The following ZC3H18 variants were observed in gnomAD, a reference collection of about 807,000 sequenced individuals.
ZC3H18 encodes zinc finger CCCH domain-containing protein 18.
ZC3H18 carries 8 observed loss-of-function variants against 106.1 expected under a neutral mutation model. That is an observed-to-expected ratio of 0.08 (90% CI 0.04 to 0.14). The LOEUF is 0.14. ZC3H18 is among the 10% of genes least tolerant of loss of function. The probability of loss-of-function intolerance (pLI) is 1.00; values close to 1 mark genes in which losing one functional copy is unlikely to be tolerated. For synonymous variants in ZC3H18, 635 were observed against 522.1 expected (o/e 1.22, Z -2.95); for missense variants, 1,318 against 1,278.4 (o/e 1.03, Z -0.47).
chr16:88,607,890 G>T (rs1328961313), intron 6 of ZC3H18, among the ~76,000 whole-genome samples: 1 of 152,212 alleles, frequency 6.6e-6, no homozygotes, highest in African/African-American at 2.4e-5. Context: ...TGTCTCTCAG[G>T]AATCAGCTCT....
At chr16:88,584,893 C>G (rs1915346417) in intron 2 of ZC3H18, among the ~76,000 whole-genome samples, 1 of 152,266 alleles carries the variant, frequency 6.6e-6, no homozygotes, top group Non-Finnish European at 1.5e-5. Context: ...TCATCTCCTA[C>G]ACGCTCACTT....
intron 1 of ZC3H18, among the ~76,000 whole-genome samples, chr16:88,572,492 A>G (rs930136669): frequency 6.6e-6 from 1 of 152,008 alleles, no homozygotes; most frequent in Non-Finnish European, 1.5e-5. Context: ...ATCAAGTATC[A>G]TCTGCCAAAT....
Position 88,624,039 on chromosome 16 carries a change from G to A in ZC3H18, c.1875G>A (p.Pro625=), listed in dbSNP as rs770960816. ...HRPSIRTKGE[P]APPPGKAGEK... ...CTTCCATCAGAACCAAGGGAGAGCC[G>A]GCCCCGCCGCCCGGGAAAGCAGGGT... The change falls in exon 11 of 18, where the codon CCG becomes CCA. Residue 625 remains proline (P), a synonymous_variant. Coordinates refer to ENST00000301011, the MANE Select transcript of ZC3H18 (RefSeq NM_144604.4). 2.4e-5 allele frequency: 39 copies of A among 1,613,914 alleles called. No individual in the cohort carries two copies. The highest frequency in any genetic ancestry group is 7.7e-5 in the South Asian group (7 of 91,076).
chr16:88,623,680 G>A (rs887084125), intron 10 of ZC3H18: 19 of 571,048 alleles, frequency 3.3e-5, no homozygotes, highest in African/African-American at 3.2e-4. Context: ...CTGCCCCACT[G>A]CCAAGGAGCC....
At chr16:88,630,759 CCCCCCCA>C (rs1906625392) in intron 17 of ZC3H18, among the ~76,000 whole-genome samples, 178 bp downstream of exon 17, 1 of 107,156 alleles carries the variant, frequency 9.3e-6, no homozygotes, top group Non-Finnish European at 2.2e-5. Context: ...ACCCCCCACC[CCCCCCCA>C]CACACACACA....
chr16:88,625,901 GGC>G (rs1203343647), intron 13 of ZC3H18: 1 of 137,492 alleles, frequency 7.3e-6, no homozygotes, highest in Admixed American at 7.9e-5. Context: ...GGAGTGCAAT[GGC>G]GCGATCTCGC....
At chr16:88,598,594 C>T (rs775602466) in intron 4 of ZC3H18, 26 bp from the exon 5 acceptor site, 1 of 1,590,544 alleles carries the variant, frequency 6.3e-7, no homozygotes, top group Non-Finnish European at 8.6e-7. Flanking sequence ...TACTTTCTCA[C>T]CTTCTCCCTT....
At chr16:88,620,585 GAA>G (rs577883900) in intron 8 of ZC3H18, among the ~76,000 whole-genome samples, 2 of 102,440 alleles carry the variant, frequency 2.0e-5, no homozygotes, top group South Asian at 3.6e-4. Context: ...CTCTAAAAAA[GAA>G]AAAAAAAAAA....
chr16:88,615,775 A>T (rs764596876), intron 8 of ZC3H18, among the ~76,000 whole-genome samples: 1 of 152,182 alleles, frequency 6.6e-6, no homozygotes, highest in Non-Finnish European at 1.5e-5. Flanking sequence ...GTGCCTGGCC[A>T]CAGACCCCCT....
chr16:88,602,152 C>T (rs540331225), intron 6 of ZC3H18, among the ~76,000 whole-genome samples: 9 of 152,342 alleles, frequency 5.9e-5, no homozygotes, highest in African/African-American at 2.2e-4. Context: ...CCTACCTGTG[C>T]CCGCTGCAGG....
chr16:88,571,981 C>T (rs904178081), intron 1 of ZC3H18, among the ~76,000 whole-genome samples: 2 of 152,206 alleles, frequency 1.3e-5, no homozygotes, highest in Non-Finnish European at 2.9e-5. Context: ...CTCTTTAGAA[C>T]TCCTGTTGTG....
intron 3 of ZC3H18, among the ~76,000 whole-genome samples, chr16:88,591,793 A>G (rs1915767656): frequency 6.6e-6 from 1 of 152,020 alleles, no homozygotes; most frequent in African/African-American, 2.4e-5. Flanking sequence ...TGTGTGTTTC[A>G]TCTTTTGTGG....
At chr16:88,622,157 G>C (rs764628706) in intron 8 of ZC3H18, 40 bp from the exon 9 acceptor site, 1 of 1,583,106 alleles carries the variant, frequency 6.3e-7, no homozygotes, top group East Asian at 2.3e-5. Flanking sequence ...CTGTGAAGCG[G>C]AAGGTGGCCT....
chr16:88,627,830 G>A lies in ZC3H18; in HGVS notation c.2269+48G>A. ...TTGGGGAGCAGCTCCCGGGGGAGGA[G>A]GGCGGCATCAGCACAGACTTTGCCT... is the stretch of plus-strand genomic sequence containing the variant. On this transcript the variant is annotated intron_variant, in intron 14 of 17. Transcript: ENST00000301011. This position sits in a 1 kb window ranked among gnomAD's most constrained non-coding sequence, Gnocchi z 4.5. 1 of 1,610,294 alleles carries A rather than the reference G, an allele frequency of 6.2e-7. No individual in the cohort carries two copies. Among genetic ancestry groups the A allele is most frequent in the Non-Finnish European group, 8.5e-7 (1 of 1,177,342 alleles).
chr16:88,587,747 T>C (rs1488017101), intron 3 of ZC3H18: 1 of 867,600 alleles, frequency 1.2e-6, no homozygotes, highest in East Asian at 2.6e-5. Flanking sequence ...GGCAGAGAGC[T>C]GTTCGGAACC....
chr16:88,621,460 G>T (rs144257055), intron 8 of ZC3H18, among the ~76,000 whole-genome samples: 1,701 of 152,060 alleles, frequency 0.011, 38 homozygotes, highest in African/African-American at 0.039. Flanking sequence ...TCTTGACCTC[G>T]TGATTCGCCC....
In ZC3H18 at chr16:88,624,051, C is replaced by T. The variant is rs749935989; in HGVS notation, c.1887C>T (p.Pro629=). 9 of 1,602,062 alleles carry T rather than the reference C, an allele frequency of 5.6e-6. No individual in the cohort carries two copies. The East Asian group carries it at 6.8e-5, about 12-fold the overall frequency. ...CCAAGGGAGAGCCGGCCCCGCCGCC[C>T]GGGAAAGCAGGGTGAGTGCCCAGCC... ...IRTKGEPAPP[P]GKAGEKSVKK... The change falls in exon 11 of 18, where the codon CCC becomes CCT. Residue 629 remains proline, a synonymous_variant. Transcript: ENST00000301011.
intron 3 of ZC3H18, among the ~76,000 whole-genome samples, chr16:88,590,437 G>T (rs7203305): frequency 0.25 from 38,634 of 151,916 alleles, 5,067 homozygotes; most frequent in Non-Finnish European, 0.29. Flanking sequence ...AACTGGAGCT[G>T]TACTTCTTCA....
rs765141884 is a variant in ZC3H18 at position 88,627,870 on chromosome 16, C to A, written c.2270-50C>A. 44 of 1,612,954 alleles carry A rather than the reference C, an allele frequency of 2.7e-5. No homozygotes were observed. Among genetic ancestry groups the A allele is most frequent in the Non-Finnish European group, 3.6e-5 (43 of 1,179,728 alleles). ...AGACTTTGCCTGGCTGTTGGTGTGG[C>A]CATGGGAAAATCACCAGTACCCCCA... On this transcript the variant is annotated intron_variant, in intron 14 of 17. Transcript: ENST00000301011. This position sits in a 1 kb window ranked among gnomAD's most constrained non-coding sequence, Gnocchi z 4.5.
Sources: allele counts gnomAD v4.1 joint callset (sites outside exome capture counted in the v4.1 genomes callset), GRCh38; gene constraint gnomAD v4.1.1; non-coding constraint Gnocchi (gnomAD v3.1); transcripts MANE v1.5; gene names NCBI Gene and HGNC (gene_info 2026-07-23, HGNC 2026-07-21).